The following DSCAM variants were observed in gnomAD, a reference collection of about 807,000 sequenced individuals.
DSCAM encodes DS cell adhesion molecule, also known as cell adhesion molecule DSCAM.
DSCAM carries 47 observed loss-of-function variants against 217.7 expected under a neutral mutation model. The observed-to-expected ratio is 0.22, with a 90% confidence interval of 0.17 to 0.28. The LOEUF is 0.28. Among genes scored for constraint, DSCAM ranks in the 10% least tolerant of loss-of-function variants. The pLI, the probability that DSCAM is intolerant of heterozygous loss-of-function variation, is 1.00. For missense variants in DSCAM, 2,080 were observed against 2,618.3 expected (o/e 0.79, Z 4.49); for synonymous variants, 1,056 against 1,015.3 (o/e 1.04, Z -0.76).
chr21:40,788,582 G>A (rs759260439), intron 1 of DSCAM, among the ~76,000 whole-genome samples: 8 of 151,946 alleles, frequency 5.3e-5, no homozygotes, highest in Non-Finnish European at 1.2e-4. Flanking sequence ...CAACTTCCCC[G>A]GCCTCAAGGT....
At chr21:40,417,165 G>A (rs933049394) in intron 3 of DSCAM, among the ~76,000 whole-genome samples, 4 of 152,092 alleles carry the variant, frequency 2.6e-5, no homozygotes, top group African/African-American at 9.7e-5. Context: ...AAGGTTGCGT[G>A]AACATCTATT....
chr21:40,663,163 TGTCA>T (rs2090158939), intron 3 of DSCAM, among the ~76,000 whole-genome samples: 1 of 148,990 alleles, frequency 6.7e-6, no homozygotes, highest in African/African-American at 2.5e-5. Flanking sequence ...AGTGTATGTA[TGTCA>T]GTGTGTGTGG....
In DSCAM at chr21:40,013,093, C is replaced by T. The variant is rs370041442; in HGVS notation, c.5980G>A (p.Asp1994Asn). 40 of 1,591,158 alleles carry T rather than the reference C, an allele frequency of 2.5e-5. No individual in the cohort carries two copies. Among genetic ancestry groups the T allele is most frequent in the East Asian group, 4.5e-5 (2 of 44,390 alleles). Residue 1994 changes from aspartate to asparagine, a missense_variant, in exon 33 of 33, where the codon GAC becomes AAC. This residue lies in a region of DSCAM where 145 missense variants were observed against 138.5 expected (regional missense o/e 1.05). Coordinates refer to ENST00000400454, the MANE Select transcript of DSCAM (RefSeq NM_001389.5). Reference protein sequence around the residue: ...KMSSSQESLLDSRGHLKGNNP... With the variant: ...KMSSSQESLLNSRGHLKGNNP... Reference sequence around the variant, plus strand: ...TTTCCTTTCAAATGGCCCCGGGAGTCGAGCAGTGATTCTTGGGAGCTGCTC... The same window carrying T: ...TTTCCTTTCAAATGGCCCCGGGAGTTGAGCAGTGATTCTTGGGAGCTGCTC...
At chr21:40,463,387 C>T (rs1433186223) in intron 3 of DSCAM, among the ~76,000 whole-genome samples, 1 of 152,170 alleles carries the variant, frequency 6.6e-6, no homozygotes, top group African/African-American at 2.4e-5. Flanking sequence ...AAATGCAAGC[C>T]TCACTGCTCA....
chr21:40,432,437 T>C (rs2075543645), intron 3 of DSCAM, among the ~76,000 whole-genome samples: 1 of 152,042 alleles, frequency 6.6e-6, no homozygotes, highest in African/African-American at 2.4e-5. Context: ...CCAGCCTCTG[T>C]CTTATGAGGA....
intron 4 of DSCAM, among the ~76,000 whole-genome samples, chr21:40,365,457 TAGAC>T (rs990095110): frequency 1.8e-4 from 28 of 152,280 alleles, no homozygotes; most frequent in African/African-American, 6.0e-4. Flanking sequence ...TTTTGGGAAT[TAGAC>T]TGACTTTCTT....
Position 40,537,290 on chromosome 21 carries a change from G to C in DSCAM, c.508+155520C>G, listed in dbSNP as rs147376140. Among the ~76,000 whole-genome samples, 20 of 152,258 alleles carry C rather than the reference G, an allele frequency of 1.3e-4. No individual in the cohort carries two copies. In the East Asian group the frequency reaches 3.9e-3, roughly 29 times the overall value. On this transcript the variant is annotated intron_variant, in intron 3 of 32. Coordinates refer to ENST00000400454, the MANE Select transcript of DSCAM (RefSeq NM_001389.5). ...ATGTGGTGAGGAAGGGAGGTAGGTC[G>C]AGAGAGAGACAGACAGACAGCAGGC...
At chr21:40,036,259 A>G (rs564311373) in intron 32 of DSCAM, among the ~76,000 whole-genome samples, 17,725 of 149,402 alleles carry the variant, frequency 0.12, 1,474 homozygotes, top group Middle Eastern at 0.2. Flanking sequence ...CAAAATAGAT[A>G]GACTGCTAGC....
intron 23 of DSCAM, among the ~76,000 whole-genome samples, chr21:40,085,282 T>C (rs2146572056): frequency 6.6e-6 from 1 of 152,308 alleles, no homozygotes; most frequent in East Asian, 1.9e-4. Flanking sequence ...CTTACATATA[T>C]GTAGAGTAAA....
intron 1 of DSCAM, among the ~76,000 whole-genome samples, chr21:40,809,889 T>C (rs2091822759): frequency 6.6e-6 from 1 of 152,168 alleles, no homozygotes; most frequent in African/African-American, 2.4e-5. Context: ...GACGTGGCTG[T>C]GAAAATGAGA....
chr21:40,023,035 AC>A (rs779404824), intron 32 of DSCAM, among the ~76,000 whole-genome samples: 9 of 92,882 alleles, frequency 9.7e-5, no homozygotes, highest in Admixed American at 1.3e-4. Flanking sequence ...CCCCCACCCC[AC>A]TACAGTCCCC....
At chr21:40,158,418 C>A (rs538323533) in intron 16 of DSCAM, among the ~76,000 whole-genome samples, 1 of 152,074 alleles carries the variant, frequency 6.6e-6, no homozygotes, top group East Asian at 1.9e-4. Context: ...AACAAAAAAA[C>A]AAAAGAAAAG....
At chr21:40,589,290 A>G (rs952928222) in intron 3 of DSCAM, among the ~76,000 whole-genome samples, 4 of 152,208 alleles carry the variant, frequency 2.6e-5, no homozygotes, top group African/African-American at 9.7e-5. Context: ...AAAAACTAAT[A>G]AATTAGTTCG....
At chr21:40,819,686 T>C (rs1353215129) in intron 1 of DSCAM, among the ~76,000 whole-genome samples, 10 of 152,190 alleles carry the variant, frequency 6.6e-5, no homozygotes, top group Non-Finnish European at 1.5e-5. Context: ...ATTTCTAATT[T>C]CTTCCAACAT....
chr21:40,710,826 G>A (rs1416577471), intron 1 of DSCAM, among the ~76,000 whole-genome samples: 1 of 152,226 alleles, frequency 6.6e-6, no homozygotes, highest in Non-Finnish European at 1.5e-5. Context: ...TTACATATTT[G>A]TAAGAGAGAA....
intron 1 of DSCAM, among the ~76,000 whole-genome samples, chr21:40,812,932 T>C (rs2091851236): frequency 6.6e-6 from 1 of 152,100 alleles, no homozygotes; most frequent in African/African-American, 2.4e-5. Flanking sequence ...GGATTGAAAA[T>C]TGCCTGCTAA....
intron 11 of DSCAM, among the ~76,000 whole-genome samples, chr21:40,233,007 G>T (rs968651111): frequency 7.9e-5 from 12 of 152,096 alleles, no homozygotes; most frequent in Admixed American, 7.9e-4. Context: ...TTATAAATGG[G>T]TCTAAACATT....
chr21:40,270,996 A>G lies in DSCAM; in HGVS notation c.2356+5101T>C, dbSNP rs1031254836. Among the ~76,000 whole-genome samples, 8 of 151,270 alleles carry G rather than the reference A, an allele frequency of 5.3e-5. 1 individual carries two copies. Among genetic ancestry groups the G allele is most frequent in the Non-Finnish European group, 1.5e-5 (1 of 67,456 alleles). ...TGGGTTATTATATGTCAGGCCCAACATATCTGCCCTGGCAATGGCAGGGCT... is the reference window on the plus strand; with the variant it reads ...TGGGTTATTATATGTCAGGCCCAACGTATCTGCCCTGGCAATGGCAGGGCT... On this transcript the variant is annotated intron_variant, in intron 11 of 32. Transcript: ENST00000400454.
At chr21:40,387,126 A>T (rs1406113822) in intron 3 of DSCAM, among the ~76,000 whole-genome samples, 3 of 152,218 alleles carry the variant, frequency 2.0e-5, no homozygotes, top group Admixed American at 2.0e-4. Context: ...GACTTAAATG[A>T]ACAGCAGGTT....
Sources: allele counts gnomAD v4.1 joint callset (sites outside exome capture counted in the v4.1 genomes callset), GRCh38; gene constraint gnomAD v4.1.1; regional missense constraint gnomAD v4.1.1; transcripts MANE v1.5; gene names NCBI Gene and HGNC (gene_info 2026-07-23, HGNC 2026-07-21).